Variants in LARGE1 observed in about 807,000 individuals in gnomAD.
LARGE1 encodes LARGE xylosyl- and glucuronyltransferase 1.
A neutral mutation model predicts 87.6 loss-of-function variants in LARGE1; 43 were observed. The observed-to-expected ratio is 0.49, with a 90% CI of 0.38 to 0.63. LARGE1 has a LOEUF of 0.63. LARGE1 is among the 30% of genes least tolerant of loss of function. The probability of loss-of-function intolerance (pLI) is 0.00; values close to 1 mark genes in which losing one functional copy is unlikely to be tolerated. For missense variants in LARGE1, 802 were observed against 1,000.2 expected (o/e 0.80, Z 2.67); for synonymous variants, 434 against 394.6 (o/e 1.10, Z -1.18).
At chr22:33,392,262 AAT>A (rs1422284160) in intron 7 of LARGE1, among the ~76,000 whole-genome samples, 1 of 152,054 alleles carries the variant, frequency 6.6e-6, no homozygotes, top group Non-Finnish European at 1.5e-5. Context: ...GCTTAATATC[AAT>A]ATGATTCTTG....
chr22:33,702,820 C>CT (rs781200851), intron 2 of LARGE1, among the ~76,000 whole-genome samples: 2 of 152,026 alleles, frequency 1.3e-5, no homozygotes, highest in Non-Finnish European at 2.9e-5. Context: ...GATGTGTAGG[C>CT]TCAAGATATT....
Position 33,384,258 on chromosome 22 carries a change from C to T in LARGE1, c.939G>A (p.Glu313=). 4.3e-6 allele frequency: 7 copies of T among 1,614,142 alleles called. No homozygotes were observed. Among genetic ancestry groups the T allele is most frequent in the Non-Finnish European group, 5.9e-6 (7 of 1,180,024 alleles). ...TCTCTGCGGTCAGCCTCCACATCTG[C>T]TCCCATTTCATCTTCCGCAGCTTAT... ...LLDKLRKMKW[E]QMWRLTAERE... Residue 313 remains glutamate (E), a synonymous_variant, in exon 8 of 15, where the codon GAG becomes GAA. Coordinates refer to ENST00000397394, the MANE Select transcript of LARGE1 (RefSeq NM_133642.5).
intron 6 of LARGE1, chr22:33,436,448 T>A (rs141101524): frequency 0.015 from 2,224 of 153,118 alleles, 15 homozygotes; most frequent in Non-Finnish European, 0.023. Flanking sequence ...CAGAAACCCC[T>A]GAGATTCTTG....
intron 5 of LARGE1, among the ~76,000 whole-genome samples, chr22:33,594,443 T>C (rs749684899): frequency 1.3e-5 from 2 of 152,190 alleles, no homozygotes; most frequent in African/African-American, 2.4e-5. Flanking sequence ...TATCCTTTCA[T>C]AACATTTGGA....
chr22:33,508,288 C>A lies in LARGE1; in HGVS notation c.787+56560G>T, dbSNP rs558790448. On this transcript the variant is annotated intron_variant, in intron 6 of 14. Transcript: ENST00000397394. ...CCTGGGCAAGGCACAGGGGCCACTG[C>A]AGGGCACTGGGAACGAGTAAAACAC... is the stretch of plus-strand genomic sequence containing the variant. Among the ~76,000 whole-genome samples the A allele has an allele frequency of 3.1e-3, 465 of 152,292 alleles. 4 individuals carry two copies. Among genetic ancestry groups the A allele is most frequent in the South Asian group, 0.018 (89 of 4,818 alleles).
chr22:33,442,632 A>C (rs1225247623), intron 6 of LARGE1, among the ~76,000 whole-genome samples: 2 of 152,020 alleles, frequency 1.3e-5, no homozygotes, highest in Non-Finnish European at 2.9e-5. Context: ...TATGTCAGTG[A>C]TGAGTTTTCT....
Position 33,382,931 on chromosome 22 carries a change from T to C in LARGE1, c.1006-887A>G, listed in dbSNP as rs145356458. ...ATGTTTGAAAAAGGAAATCAGTTTC[T>C]GGCTGCTTGGGAAATACTGAATAAT... On this transcript the variant is annotated intron_variant, in intron 8 of 14. Coordinates refer to ENST00000397394, the MANE Select transcript of LARGE1 (RefSeq NM_133642.5). Among the ~76,000 whole-genome samples, 69 of 152,350 alleles carry C rather than the reference T, an allele frequency of 4.5e-4. 1 individual carries two copies. In the East Asian group the frequency reaches 0.013, roughly 28 times the overall value.
the LARGE1 span, among the ~76,000 whole-genome samples, chr22:33,104,949 CTTTCTCTCTTTCTCTCTT>C: frequency 2.7e-5 from 3 of 111,478 alleles, no homozygotes; most frequent in African/African-American, 1.1e-4. Context: ...CTTTCTTTCT[CTTTCTCTCTTTCTCTCTT>C]TCTTTCTTTC....
At chr22:33,815,790 C>T (rs2086631045) in intron 1 of LARGE1, among the ~76,000 whole-genome samples, 1 of 152,178 alleles carries the variant, frequency 6.6e-6, no homozygotes, top group Admixed American at 6.5e-5. Flanking sequence ...ATGCAGACGG[C>T]TCAGCAGAGC....
chr22:33,218,658 T>C (rs1373833148), intron 11 of LARGE1, among the ~76,000 whole-genome samples: 1 of 152,166 alleles, frequency 6.6e-6, no homozygotes, highest in East Asian at 1.9e-4. Context: ...ACTGTACATA[T>C]AGTACTATAT....
intron 11 of LARGE1, among the ~76,000 whole-genome samples, chr22:33,195,088 T>G (rs1273280058): frequency 6.6e-6 from 1 of 152,216 alleles, no homozygotes; most frequent in African/African-American, 2.4e-5. Context: ...GGAAGTGGTG[T>G]AGTATATGTG....
intron 6 of LARGE1, among the ~76,000 whole-genome samples, chr22:33,564,529 G>C (rs145429255): frequency 3.3e-4 from 50 of 152,152 alleles, no homozygotes; most frequent in Non-Finnish European, 6.6e-4. Flanking sequence ...ACTATCCTTC[G>C]ATAAAAAGAA....
chr22:33,688,958 GC>G (rs1314893525), intron 2 of LARGE1, among the ~76,000 whole-genome samples: 1 of 152,066 alleles, frequency 6.6e-6, no homozygotes, highest in Non-Finnish European at 1.5e-5. Flanking sequence ...ACTGGCCCCA[GC>G]TTTGAAAAGT....
At chr22:33,723,857 C>T (rs2083184051) in intron 2 of LARGE1, 1 of 152,264 alleles carries the variant, frequency 6.6e-6, no homozygotes, top group South Asian at 2.1e-4. Context: ...TCACTGAGCC[C>T]AGCCTTTGGT....
At chr22:33,658,631 T>C (rs192527796) in intron 2 of LARGE1, among the ~76,000 whole-genome samples, 2 of 152,390 alleles carry the variant, frequency 1.3e-5, no homozygotes, top group Admixed American at 1.3e-4. Context: ...TTCCTTTTTA[T>C]GGCTGCATAG....
chr22:33,200,490 G>A (rs1010906307), intron 11 of LARGE1, among the ~76,000 whole-genome samples: 1 of 152,054 alleles, frequency 6.6e-6, no homozygotes, highest in Non-Finnish European at 1.5e-5. Flanking sequence ...CCACTCCTAG[G>A]CATATACCCA....
At chr22:33,770,362 A>G (rs1279793090) in intron 1 of LARGE1, among the ~76,000 whole-genome samples, 1 of 152,244 alleles carries the variant, frequency 6.6e-6, no homozygotes, top group African/African-American at 2.4e-5. Context: ...ATGTGTAGCC[A>G]GGAGAAACTG....
chr22:33,722,903 G>C (rs1208778957), intron 2 of LARGE1, among the ~76,000 whole-genome samples: 2 of 152,180 alleles, frequency 1.3e-5, no homozygotes, highest in Admixed American at 6.5e-5. Context: ...GTTGAGGTCG[G>C]AGCTTGGGGG....
intron 11 of LARGE1, among the ~76,000 whole-genome samples, chr22:33,206,043 C>A (rs1924664507): frequency 6.6e-6 from 1 of 150,388 alleles, no homozygotes; most frequent in Non-Finnish European, 1.5e-5. Context: ...CAAGCTCCGC[C>A]TCCCCGGTTC....
Sources: allele counts gnomAD v4.1 joint callset (sites outside exome capture counted in the v4.1 genomes callset), GRCh38; gene constraint gnomAD v4.1.1; transcripts MANE v1.5; gene names NCBI Gene and HGNC (gene_info 2026-07-23, HGNC 2026-07-21).